The following SHISAL1 variants were observed in gnomAD, a reference collection of about 807,000 sequenced individuals.
SHISAL1 encodes the protein protein shisa-like-1.
Under a neutral mutation model 22.6 loss-of-function variants are expected in SHISAL1, and 9 were observed. That is an observed-to-expected ratio of 0.40 (90% CI 0.24 to 0.70). The LOEUF (loss-of-function observed/expected upper bound fraction) is 0.70, where lower values mean the gene tolerates loss of function less well. Ranked by LOEUF, SHISAL1 falls within the 30% of genes least tolerant of loss-of-function variation. SHISAL1 has a pLI of 0.39. For synonymous variants in SHISAL1, 119 were observed against 115.4 expected (o/e 1.03, Z -0.20); for missense variants, 246 against 270.6 (o/e 0.91, Z 0.64).
chr22:44,326,263 T>A, the SHISAL1 span, among the ~76,000 whole-genome samples: 1 of 152,192 alleles, frequency 6.6e-6, no homozygotes, highest in Non-Finnish European at 1.5e-5. Context: ...ATTTTTAATT[T>A]GTGCCAATAT....
At chr22:44,302,339 C>CAA (rs35335428) in intron 1 of SHISAL1, among the ~76,000 whole-genome samples, 7 of 97,982 alleles carry the variant, frequency 7.1e-5, no homozygotes, top group African/African-American at 2.5e-4. Context: ...GACTCCGTCT[C>CAA]AAAAAAAAAA....
chr22:44,304,384 C>T lies in SHISAL1; in HGVS notation c.-32-3407G>A, dbSNP rs111873146. ...TTGGTCTCCTCCCCTGTAGCATGGG[C>T]ATCGTGGCGGGAGCTGGGACGTCAG... On this transcript the variant is annotated intron_variant, in intron 1 of 4. Transcript: ENST00000381176. Among the ~76,000 whole-genome samples, 1,484 of 152,378 alleles carry T rather than the reference C, an allele frequency of 9.7e-3. 22 individuals are homozygous for T. Among genetic ancestry groups the T allele is most frequent in the African/African-American group, 0.031 (1,310 of 41,598 alleles).
At chr22:44,261,184 G>A (rs1459321520) in intron 4 of SHISAL1, among the ~76,000 whole-genome samples, 4 of 146,316 alleles carry the variant, frequency 2.7e-5, no homozygotes, top group South Asian at 4.4e-4. Context: ...TAGCTTCTTC[G>A]AGGGTAAAGT....
intron 3 of SHISAL1, among the ~76,000 whole-genome samples, chr22:44,295,987 A>G (rs906663706): frequency 6.6e-6 from 1 of 152,204 alleles, no homozygotes; most frequent in Non-Finnish European, 1.5e-5. Flanking sequence ...TCTCTGGGTC[A>G]ATGGTGTCAA....
chr22:44,267,937 C>T (rs745337683), intron 4 of SHISAL1, among the ~76,000 whole-genome samples: 7 of 152,254 alleles, frequency 4.6e-5, no homozygotes, highest in Non-Finnish European at 1.0e-4. Flanking sequence ...TGCAGGCCCT[C>T]TGGGAGTCTC....
At chr22:44,306,153 C>G (rs914984436) in intron 1 of SHISAL1, among the ~76,000 whole-genome samples, 1 of 152,228 alleles carries the variant, frequency 6.6e-6, no homozygotes, top group Non-Finnish European at 1.5e-5. Flanking sequence ...TTCCATGAGG[C>G]GGCCAGCCTC....
intron 4 of SHISAL1, among the ~76,000 whole-genome samples, chr22:44,269,841 G>A (rs1327243191): frequency 6.6e-6 from 1 of 152,058 alleles, no homozygotes; most frequent in African/African-American, 2.4e-5. Context: ...TGGTGCTGGC[G>A]TCCCATGGTG....
rs199660402 is a variant in SHISAL1 at position 44,254,370 on chromosome 22, T to TG, written c.*-4686_*-4685insC. Reference sequence around the variant, plus strand: ...CTTTTTTTAATGTTTAAATTATTATTTTTTTTTAGAGACAGGCTCTTGCTC... The same window carrying TG: ...CTTTTTTTAATGTTTAAATTATTATTGTTTTTTTAGAGACAGGCTCTTGCTC... On this transcript the variant is annotated intron_variant, in intron 4 of 4. Coordinates refer to ENST00000381176, the MANE Select transcript of SHISAL1 (RefSeq NM_001099294.2). Among the ~76,000 whole-genome samples, 1,448 of 151,952 alleles carry TG rather than the reference T, an allele frequency of 9.5e-3. 24 individuals carry two copies. The highest frequency in any genetic ancestry group is 0.033 in the African/African-American group (1,387 of 41,444).
Position 44,244,563 on chromosome 22 carries a change from T to C in SHISAL1, c.*5122A>G, listed in dbSNP as rs1047036341. ...ATCTATCTAGCACCAGCTGTTGGCT[T>C]GGACTAGAAACTGGGGTGGTGGGGG... On this transcript the variant is annotated 3_prime_UTR_variant, in exon 5 of 5. Coordinates refer to ENST00000381176, the MANE Select transcript of SHISAL1 (RefSeq NM_001099294.2). 3.3e-5 allele frequency: 5 copies of C among 152,220 alleles called. No individual in the cohort carries two copies. Among genetic ancestry groups the C allele is most frequent in the African/African-American group, 1.2e-4 (5 of 41,450 alleles). The allele number at this position is 152,220 out of a possible 1,614,324, so 9.4% of individuals were successfully genotyped here. A position where few individuals can be genotyped will look rare whatever the true frequency, so the allele number is the denominator to read the frequency against.
intron 3 of SHISAL1, 85 bp from the exon 4 acceptor site, chr22:44,285,830 T>C (rs535647443): frequency 1.7e-6 from 2 of 1,184,868 alleles, no homozygotes; most frequent in Admixed American, 3.6e-5. Flanking sequence ...GATTAGAGAA[T>C]GTGTCCTGGG....
At chr22:44,318,117 G>A in the SHISAL1 span, among the ~76,000 whole-genome samples, 2 of 152,246 alleles carry the variant, frequency 1.3e-5, no homozygotes, top group South Asian at 4.1e-4. Context: ...TGGGGGCGGG[G>A]AAGTCCAGGG....
chr22:44,325,722 A>G, the SHISAL1 span, among the ~76,000 whole-genome samples: 1 of 152,050 alleles, frequency 6.6e-6, no homozygotes, highest in African/African-American at 2.4e-5. Context: ...GGCAGTGGAA[A>G]ATAATGGATA....
At chr22:44,314,590 G>A (rs935940458), upstream of SHISAL1, among the ~76,000 whole-genome samples, 6 of 152,164 alleles carry the variant, frequency 3.9e-5, no homozygotes, top group South Asian at 1.0e-3. Flanking sequence ...CTGGCAGACC[G>A]GGGTGAGGGC....
At chr22:44,253,866 C>G (rs894583239) in intron 4 of SHISAL1, among the ~76,000 whole-genome samples, 9 of 141,352 alleles carry the variant, frequency 6.4e-5, no homozygotes, top group African/African-American at 2.5e-4. Flanking sequence ...AAAACACAGT[C>G]TACCTTCATT....
upstream of SHISAL1, among the ~76,000 whole-genome samples, chr22:44,317,083 G>A (rs997091187): frequency 6.6e-6 from 1 of 152,168 alleles, no homozygotes; most frequent in Non-Finnish European, 1.5e-5. Flanking sequence ...GACCTGGCAC[G>A]CTTAACCCCC....
intron 4 of SHISAL1, among the ~76,000 whole-genome samples, chr22:44,284,886 T>TCTGCCGTCCTGCCTGCCTGC (rs2055300620): frequency 2.4e-5 from 1 of 41,924 alleles, no homozygotes; most frequent in Non-Finnish European, 5.0e-5. Flanking sequence ...ATGCCACCTC[T>TCTGCCGTCCTGCCTGCCTGC]CTGCCTTCCT....
intron 4 of SHISAL1, among the ~76,000 whole-genome samples, chr22:44,278,289 T>A (rs1050909827): frequency 6.6e-5 from 10 of 152,230 alleles, no homozygotes; most frequent in African/African-American, 2.4e-4. Context: ...GCTTTAGGAC[T>A]CAGACTGGCT....
At chr22:44,304,058 C>T (rs1227892468) in intron 1 of SHISAL1, among the ~76,000 whole-genome samples, 2 of 152,240 alleles carry the variant, frequency 1.3e-5, no homozygotes, top group Non-Finnish European at 2.9e-5. Context: ...AAGAAACAAG[C>T]CCCTCTGCAT....
intron 4 of SHISAL1, among the ~76,000 whole-genome samples, chr22:44,251,855 A>G (rs1044198321): frequency 1.3e-5 from 2 of 152,222 alleles, no homozygotes; most frequent in African/African-American, 4.8e-5. Context: ...CAGCCAAACC[A>G]TATCAGTTGC....
Sources: allele counts gnomAD v4.1 joint callset (sites outside exome capture counted in the v4.1 genomes callset), GRCh38; gene constraint gnomAD v4.1.1; transcripts MANE v1.5; gene names NCBI Gene and HGNC (gene_info 2026-07-23, HGNC 2026-07-21).